AFF3: variants seen among roughly 807,000 people sequenced by gnomAD.
AFF3 encodes the protein ALF transcription elongation factor 3, also known as AF4/FMR2 family member 3.
AFF3 carries 32 observed loss-of-function variants against 129.7 expected under a neutral mutation model. The ratio of observed to expected loss-of-function variants is 0.25; its 90% CI spans 0.19 to 0.33. The LOEUF (loss-of-function observed/expected upper bound fraction) is 0.33, where lower values mean the gene tolerates loss of function less well. Among genes scored for constraint, AFF3 ranks in the 10% least tolerant of loss-of-function variants. The pLI, the probability that AFF3 is intolerant of heterozygous loss-of-function variation, is 1.00. For synonymous variants in AFF3, 644 were observed against 635.4 expected (o/e 1.01, Z -0.20); for missense variants, 1,373 against 1,592.0 (o/e 0.86, Z 2.34).
At chr2:99,638,472 G>T (rs1156241020) in intron 13 of AFF3, among the ~76,000 whole-genome samples, 1 of 151,846 alleles carries the variant, frequency 6.6e-6, no homozygotes, top group African/African-American at 2.4e-5. Flanking sequence ...GGACTCTGGT[G>T]GTGCGGGTTA....
At chr2:100,077,192 T>C (rs539321260) in intron 4 of AFF3, among the ~76,000 whole-genome samples, 1 of 152,064 alleles carries the variant, frequency 6.6e-6, no homozygotes, top group East Asian at 1.9e-4. Context: ...GAGGTTGCAA[T>C]GAGCCGAGAT....
intron 8 of AFF3, among the ~76,000 whole-genome samples, chr2:99,758,752 T>C (rs1225099095): frequency 6.6e-6 from 1 of 152,118 alleles, no homozygotes; most frequent in Non-Finnish European, 1.5e-5. Context: ...ACAATTGCCA[T>C]CTCCATAGTA....
chr2:99,738,189 G>A (rs1680413329), intron 10 of AFF3, among the ~76,000 whole-genome samples: 1 of 151,964 alleles, frequency 6.6e-6, no homozygotes, highest in Non-Finnish European at 1.5e-5. Flanking sequence ...GTTCTTTTCT[G>A]ATTGTAAGTT....
At chr2:100,122,458 C>T (rs941835296) in intron 2 of AFF3, among the ~76,000 whole-genome samples, 1 of 152,134 alleles carries the variant, frequency 6.6e-6, no homozygotes, top group Non-Finnish European at 1.5e-5. Context: ...GATGCAGAAA[C>T]AAAAGCATTA....
At chr2:99,973,456 C>T (rs1467619184) in intron 7 of AFF3, among the ~76,000 whole-genome samples, 5 of 152,168 alleles carry the variant, frequency 3.3e-5, no homozygotes, top group Non-Finnish European at 7.4e-5. Flanking sequence ...AGAGTATTTC[C>T]CGAACATTTT....
intron 8 of AFF3, among the ~76,000 whole-genome samples, chr2:99,822,943 C>G (rs1687801078): frequency 6.6e-6 from 1 of 152,176 alleles, no homozygotes; most frequent in African/African-American, 2.4e-5. Context: ...GTAGACCAGA[C>G]AGGAGGTTTT....
chr2:99,562,525 A>G (rs985696569), intron 20 of AFF3, among the ~76,000 whole-genome samples: 32 of 152,212 alleles, frequency 2.1e-4, no homozygotes, highest in Non-Finnish European at 8.8e-5. Context: ...CATTTCTTTG[A>G]AAAGATTTTC....
chr2:99,941,323 A>C (rs1471768069), intron 7 of AFF3, among the ~76,000 whole-genome samples: 1 of 152,178 alleles, frequency 6.6e-6, no homozygotes, highest in Non-Finnish European at 1.5e-5. Flanking sequence ...ACTGCTACTA[A>C]AGGCTTCACC....
At chr2:99,741,616 A>G (rs1680727865) in intron 10 of AFF3, among the ~76,000 whole-genome samples, 1 of 152,218 alleles carries the variant, frequency 6.6e-6, no homozygotes, top group Admixed American at 6.5e-5. Context: ...GGTAGGAAGA[A>G]TCAATATCAT....
rs1000395251 is a variant in AFF3 at position 99,672,127 on chromosome 2, G to A, written c.1143+411C>T. 2.0e-5 allele frequency among the ~76,000 whole-genome samples: 3 copies of A among 147,000 alleles called. No individual in the cohort carries two copies. In the South Asian group the frequency reaches 6.8e-4, roughly 34 times the overall value. ...TAATGTTACGGATTGCCTGTTGCAT[G>A]CTGATGAGGTTAAGGTCATATGTTT... On this transcript the variant is annotated intron_variant, in intron 12 of 24. Transcript: ENST00000672756.
intron 8 of AFF3, among the ~76,000 whole-genome samples, chr2:99,792,321 T>C (rs1007797000): frequency 5.5e-4 from 84 of 151,982 alleles, no homozygotes; most frequent in African/African-American, 1.9e-3. Context: ...ATAAAAAAAT[T>C]AGCTGGGCGC....
intron 8 of AFF3, among the ~76,000 whole-genome samples, chr2:99,792,843 T>C (rs1031078642): frequency 6.6e-6 from 1 of 152,156 alleles, no homozygotes; most frequent in Non-Finnish European, 1.5e-5. Flanking sequence ...TGAATTTAAC[T>C]AGCTAAGTTT....
chr2:99,791,218 T>C (rs1388879893), intron 8 of AFF3, among the ~76,000 whole-genome samples: 2 of 152,284 alleles, frequency 1.3e-5, no homozygotes, highest in East Asian at 3.9e-4. Context: ...TGAAAATTAG[T>C]TGGTAACATA....
Position 99,807,368 on chromosome 2 carries a change from C to T in AFF3, c.921+30109G>A, listed in dbSNP as rs1686434867. Among the ~76,000 whole-genome samples, 3 of 152,162 alleles carry T rather than the reference C, an allele frequency of 2.0e-5. No homozygotes were observed. The South Asian group carries it at 6.2e-4, about 32-fold the overall frequency. On this transcript the variant is annotated intron_variant, in intron 8 of 24. Coordinates refer to ENST00000672756, the MANE Select transcript of AFF3 (RefSeq NM_001386135.1). Reference sequence around the variant, plus strand: ...AAAGGATCCTGGACTCACCATGTACCTAATGCATGAATTCCTACCAACGCA... The same window carrying T: ...AAAGGATCCTGGACTCACCATGTACTTAATGCATGAATTCCTACCAACGCA...
intron 7 of AFF3, among the ~76,000 whole-genome samples, chr2:99,867,165 C>T (rs1446847757): frequency 6.6e-6 from 1 of 151,916 alleles, no homozygotes; most frequent in East Asian, 1.9e-4. Context: ...AAGGTGTAGC[C>T]ATTCTTCTCC....
chr2:100,059,635 T>C (rs1338369368), intron 4 of AFF3, among the ~76,000 whole-genome samples: 1 of 152,234 alleles, frequency 6.6e-6, no homozygotes, highest in East Asian at 1.9e-4. Flanking sequence ...TATCTGAATA[T>C]AGCCAGCGTG....
chr2:99,575,620 T>G (rs1170333138), intron 18 of AFF3, among the ~76,000 whole-genome samples: 3 of 152,106 alleles, frequency 2.0e-5, no homozygotes, highest in African/African-American at 7.2e-5. Context: ...GATGGTTGAG[T>G]GGCTGTTTGA....
intron 13 of AFF3, among the ~76,000 whole-genome samples, chr2:99,641,507 A>G (rs758006722): frequency 6.6e-6 from 1 of 152,230 alleles, no homozygotes; most frequent in African/African-American, 2.4e-5. Context: ...GTGAAACCCC[A>G]TCTCTACTAA....
intron 14 of AFF3, among the ~76,000 whole-genome samples, chr2:99,597,489 T>C (rs903314696): frequency 4.6e-5 from 7 of 152,252 alleles, no homozygotes; most frequent in African/African-American, 1.2e-4. Flanking sequence ...GCAGCATCTA[T>C]ACTAGGTCAG....
Sources: gnomAD v4.1 joint callset for allele counts (sites outside exome capture counted in the v4.1 genomes callset) on GRCh38, gnomAD v4.1.1 for gene constraint, MANE v1.5 for transcripts, NCBI Gene and HGNC (gene_info 2026-07-23, HGNC 2026-07-21) for gene names.